Variants in PPP1CB observed in about 807,000 individuals in gnomAD.
PPP1CB encodes the protein serine/threonine-protein phosphatase PP1-beta catalytic subunit.
PPP1CB carries 2 observed loss-of-function variants against 43.7 expected under a neutral mutation model. The ratio of observed to expected loss-of-function variants is 0.05; its 90% CI spans 0.02 to 0.14. PPP1CB has a LOEUF of 0.14. PPP1CB is among the 10% of genes least tolerant of loss of function. The pLI is 1.00. For missense variants in PPP1CB, 84 were observed against 398.0 expected, an observed-to-expected ratio of 0.21 and a Z score of 6.71; for synonymous variants, 136 against 135.6, an observed-to-expected ratio of 1.00 and a Z score of -0.02.
intron 1 of PPP1CB, among the ~76,000 whole-genome samples, chr2:28,764,019 C>T (rs1666723883): frequency 1.3e-5 from 2 of 151,608 alleles, no homozygotes; most frequent in Non-Finnish European, 2.9e-5. Flanking sequence ...TTATTGTTAA[C>T]AGGCAGTCCT....
At chr2:28,760,784 G>A (rs186197341) in intron 1 of PPP1CB, among the ~76,000 whole-genome samples, 7 of 152,302 alleles carry the variant, frequency 4.6e-5, no homozygotes, top group Admixed American at 4.6e-4. Context: ...ACTTTAAATA[G>A]TAAATTAAGA....
In PPP1CB at chr2:28,802,635, A is replaced by G. The variant is rs1189681924; in HGVS notation, c.*3332A>G. 2 of 152,218 alleles carry G rather than the reference A, an allele frequency of 1.3e-5. No homozygotes were observed. Among genetic ancestry groups the G allele is most frequent in the African/African-American group, 4.8e-5 (2 of 41,462 alleles). The allele number at this position is 152,218 out of a possible 1,614,324, so 9.4% of individuals were successfully genotyped here. A position where few individuals can be genotyped will look rare whatever the true frequency, so the allele number is the denominator to read the frequency against. Reference sequence around the variant, plus strand: ...CATATAAGTATACACCTAGAGTTTTAATTACCTTTATAATGTTTCTTAAAA... The same window carrying G: ...CATATAAGTATACACCTAGAGTTTTGATTACCTTTATAATGTTTCTTAAAA... On this transcript the variant is annotated 3_prime_UTR_variant, in exon 8 of 8. Coordinates refer to ENST00000395366, the MANE Select transcript of PPP1CB (RefSeq NM_002709.3).
intron 4 of PPP1CB, 167 bp downstream of exon 4, chr2:28,782,009 T>C: frequency 1.5e-6 from 1 of 654,656 alleles, no homozygotes; most frequent in East Asian, 2.8e-5. Context: ...TAGAAATTTA[T>C]TTATAAATGA....
intron 5 of PPP1CB, among the ~76,000 whole-genome samples, chr2:28,786,802 A>C (rs938469428): frequency 6.6e-6 from 1 of 150,818 alleles, no homozygotes; most frequent in Non-Finnish European, 1.5e-5. Context: ...AAAAGAAATT[A>C]TAGATTCTTA....
At chr2:28,780,305 G>A (rs540434985) in intron 3 of PPP1CB, among the ~76,000 whole-genome samples, 8 of 152,098 alleles carry the variant, frequency 5.3e-5, no homozygotes, top group African/African-American at 1.9e-4. Context: ...TGATCAGGCT[G>A]GTCTTGAACT....
intron 6 of PPP1CB, among the ~76,000 whole-genome samples, chr2:28,790,139 A>G (rs7608105): frequency 0.14 from 21,095 of 151,676 alleles, 1,973 homozygotes; most frequent in African/African-American, 0.26. Flanking sequence ...AAACAGCCAG[A>G]TGTGGTGGTG....
intron 1 of PPP1CB, among the ~76,000 whole-genome samples, chr2:28,757,696 G>A (rs750679411): frequency 3.3e-5 from 5 of 152,164 alleles, no homozygotes; most frequent in African/African-American, 4.8e-5. Flanking sequence ...GGAGACATAA[G>A]GTCGTGGCAT....
intron 1 of PPP1CB, among the ~76,000 whole-genome samples, chr2:28,767,212 G>C (rs1278574784): frequency 6.6e-6 from 1 of 152,156 alleles, no homozygotes; most frequent in East Asian, 1.9e-4. Flanking sequence ...GGAAACTTGA[G>C]TTGCAGACTC....
intron 6 of PPP1CB, among the ~76,000 whole-genome samples, chr2:28,791,961 A>G (rs189255201): frequency 3.9e-5 from 6 of 152,336 alleles, no homozygotes; most frequent in Non-Finnish European, 7.3e-5. Context: ...CAAGTAAGCA[A>G]ACTAAAAAAC....
intron 2 of PPP1CB, 93 bp downstream of exon 2, chr2:28,777,075 G>A (rs1667058372): frequency 7.4e-7 from 1 of 1,348,178 alleles, no homozygotes; most frequent in Non-Finnish European, 1.0e-6. Context: ...TGAAATTTTT[G>A]TATAAAACAG....
intron 6 of PPP1CB, among the ~76,000 whole-genome samples, chr2:28,793,152 C>G (rs897650443): frequency 9.2e-5 from 14 of 152,154 alleles, no homozygotes; most frequent in Admixed American, 3.9e-4. Context: ...TTGTAGTGAG[C>G]CGAGATCATG....
intron 5 of PPP1CB, among the ~76,000 whole-genome samples, chr2:28,786,345 C>T (rs1234934809): frequency 6.6e-6 from 1 of 152,106 alleles, no homozygotes; most frequent in Non-Finnish European, 1.5e-5. Flanking sequence ...AACTCCTGAC[C>T]TCTGGTGATC....
chr2:28,793,732 C>G (rs910381283), intron 6 of PPP1CB, 131 bp from the exon 7 acceptor site: 31 of 926,816 alleles, frequency 3.3e-5, no homozygotes, highest in Non-Finnish European at 4.7e-5. Context: ...AAAATCACAA[C>G]TTCCAAAACA....
chr2:28,776,439 TTGGAGAGA>T (rs1469806750), intron 1 of PPP1CB, among the ~76,000 whole-genome samples: 3 of 151,962 alleles, frequency 2.0e-5, no homozygotes, highest in Non-Finnish European at 4.4e-5. Flanking sequence ...TTTTGTATTT[TTGGAGAGA>T]TGGGGTTTCT....
In PPP1CB at chr2:28,801,790, T is replaced by C. The variant is rs944191646; in HGVS notation, c.*2487T>C. 4 of 152,222 alleles carry C rather than the reference T, an allele frequency of 2.6e-5. No individual in the cohort carries two copies. Among genetic ancestry groups the C allele is most frequent in the African/African-American group, 4.8e-5 (2 of 41,466 alleles). 9.4% of individuals were successfully genotyped at this position (152,222 alleles called of 1,614,324 possible). ...CATGAAACACAGTAGATATCTGTTA[T>C]AATGTGGTGTATCACATGGATTATA... On this transcript the variant is annotated 3_prime_UTR_variant, in exon 8 of 8. Transcript: ENST00000395366.
chr2:28,775,553 C>A (rs1008730650), intron 1 of PPP1CB, among the ~76,000 whole-genome samples: 2 of 152,040 alleles, frequency 1.3e-5, no homozygotes, highest in Non-Finnish European at 2.9e-5. Flanking sequence ...TTAAAAACAT[C>A]TTTTGTTGAC....
At chr2:28,782,844 T>C (rs901720381) in intron 4 of PPP1CB, 5 of 152,228 alleles carry the variant, frequency 3.3e-5, no homozygotes, top group Admixed American at 1.3e-4. Context: ...AAAAGATAGA[T>C]GCACTTGCCT....
intron 7 of PPP1CB, among the ~76,000 whole-genome samples, chr2:28,798,978 G>A (rs1329578623): frequency 6.6e-6 from 1 of 151,956 alleles, no homozygotes; most frequent in African/African-American, 2.4e-5. Context: ...TCTAAGGATT[G>A]GATAGTTGAT....
intron 1 of PPP1CB, among the ~76,000 whole-genome samples, chr2:28,756,985 A>G (rs1268248423): frequency 2.0e-5 from 3 of 152,180 alleles, no homozygotes; most frequent in African/African-American, 7.2e-5. Flanking sequence ...AGTGAACTGT[A>G]TAATATTTTC....
Sources: allele counts gnomAD v4.1 joint callset (sites outside exome capture counted in the v4.1 genomes callset), GRCh38; gene constraint gnomAD v4.1.1; transcripts MANE v1.5; gene names NCBI Gene and HGNC (gene_info 2026-07-23, HGNC 2026-07-21).